Variants in ZNF665 observed in about 807,000 individuals in gnomAD.
ZNF665 encodes zinc finger protein 665.
Under a neutral mutation model 7.9 loss-of-function variants are expected in ZNF665, and 6 were observed. The ratio of observed to expected loss-of-function variants is 0.76; its 90% CI spans 0.42 to 1.50. The LOEUF is 1.50. Among genes scored for constraint, ZNF665 ranks in the 40% most tolerant of loss-of-function variants. The probability of loss-of-function intolerance (pLI) is 0.01; values close to 1 mark genes in which losing one functional copy is unlikely to be tolerated. For missense variants in ZNF665, 819 were observed against 806.7 expected (o/e 1.02, Z -0.18); for synonymous variants, 242 against 274.5 (o/e 0.88, Z 1.17).
rs867020548 is a variant in ZNF665, at chr19:53,167,546, C to A, written c.143-1199G>T. ...ACTGCAAGCTCCGCCTCCCGGGTTC[C>A]CGCCATTCTCCTGCCTCAGCCTCCC... On this transcript the variant is annotated intron_variant, in intron 3 of 3. Transcript: ENST00000396424. Among the ~76,000 whole-genome samples the A allele has an allele frequency of 1.6e-4, 24 of 149,672 alleles. No individual in the cohort carries two copies. In the South Asian group the frequency reaches 3.2e-3, roughly 20 times the overall value.
chr19:53,171,277 C>T (rs2090654888), intron 3 of ZNF665, among the ~76,000 whole-genome samples: 1 of 151,824 alleles, frequency 6.6e-6, no homozygotes. Flanking sequence ...TGAGCCACCG[C>T]ATGCGGCAAG....
rs537941553 is a variant in ZNF665 at position 53,176,810 on chromosome 19, C to T, written c.16-1239G>A. The stretch of plus-strand genomic sequence containing the variant: ...GGGAGAACGGAAGCATTCTGTGTTG[C>T]AAGAGTACAGTAGAAGAAACTGAAT... On this transcript the variant is annotated intron_variant, in intron 2 of 3. Transcript: ENST00000396424. 5.8e-4 allele frequency among the ~76,000 whole-genome samples: 89 copies of T among 152,310 alleles called. 1 individual carries two copies. The highest frequency in any genetic ancestry group is 3.4e-3 in the Middle Eastern group (1 of 294).
chr19:53,182,982 A>T lies in ZNF665; in HGVS notation c.-45-39T>A. 3.8e-6 allele frequency: 6 copies of T among 1,570,172 alleles called. No homozygotes were observed. In the South Asian group the frequency reaches 5.5e-5, roughly 14 times the overall value. ...AAAGAGACTTTAGAATTCAATCCTG[A>T]ATGTCAAAAATACGCTGTTTGTTGG... On this transcript the variant is annotated intron_variant, in intron 1 of 3. Transcript: ENST00000396424.
chr19:53,168,331 T>C (rs139067022), intron 3 of ZNF665, among the ~76,000 whole-genome samples: 10 of 152,206 alleles, frequency 6.6e-5, no homozygotes, highest in African/African-American at 2.2e-4. Context: ...ATCAGAAAGT[T>C]TTCTAAAATG....
At chr19:53,167,925 G>A (rs1383180573) in intron 3 of ZNF665, among the ~76,000 whole-genome samples, 53 of 148,038 alleles carry the variant, frequency 3.6e-4, no homozygotes, top group Non-Finnish European at 5.4e-4. Context: ...GCGTTGTGGC[G>A]GGCGCCTGCA....
Position 53,166,053 on chromosome 19 carries a change from T to C in ZNF665, c.437A>G (p.Gln146Arg), listed in dbSNP as rs765463718. Residue 146 changes from glutamine to arginine, a missense_variant, in exon 4 of 4, where the codon CAG becomes CGG. By Grantham distance (43) the Gln-to-Arg change is conservative. Coordinates refer to ENST00000396424, the MANE Select transcript of ZNF665 (RefSeq NM_024733.5). ...HIENQLGVSF[Q>R]SHLPELQQFQ... ...TTGCTGCAGTTCAGGGAGATGTGACTGAAAGCTTACTCCAAGCTGATTTTC... is the reference window on the plus strand; with the variant it reads ...TTGCTGCAGTTCAGGGAGATGTGACCGAAAGCTTACTCCAAGCTGATTTTC... 2.5e-6 allele frequency: 4 copies of C among 1,614,136 alleles called. No individual in the cohort carries two copies. The South Asian group carries it at 3.3e-5, about 13-fold the overall frequency.
At chr19:53,182,533 C>A (rs747408337) in intron 2 of ZNF665, 34 of 654,088 alleles carry the variant, frequency 5.2e-5, no homozygotes, top group Non-Finnish European at 9.1e-5. Flanking sequence ...ACTTCATAAC[C>A]AGCTTCTCTT....
In ZNF665 at chr19:53,164,544, G is replaced by A; in HGVS notation, c.1946C>T (p.Thr649Ile). Residue 649 changes from threonine to isoleucine, a missense_variant, in exon 4 of 4, where the codon ACT (threonine) becomes ATT (isoleucine). Coordinates refer to ENST00000396424, the MANE Select transcript of ZNF665 (RefSeq NM_024733.5). ...STLTTHMAVH[T>I]GDKPYKCNQC... Reference sequence around the variant, plus strand: ...GTTACATTTGTAAGGTTTGTCTCCAGTATGGACTGCCATATGGGTAGTTAG... The same window carrying A: ...GTTACATTTGTAAGGTTTGTCTCCAATATGGACTGCCATATGGGTAGTTAG... 1.2e-6 allele frequency: 2 copies of A among 1,614,096 alleles called. No homozygotes were observed. Among genetic ancestry groups the A allele is most frequent in the Non-Finnish European group, 8.5e-7 (1 of 1,179,938 alleles).
At chr19:53,183,277 G>A (rs1171294254) in intron 1 of ZNF665, among the ~76,000 whole-genome samples, 1 of 152,132 alleles carries the variant, frequency 6.6e-6, no homozygotes, top group African/African-American at 2.4e-5. Context: ...ACCCCATGCT[G>A]AGCACAGTCC....
In ZNF665 at chr19:53,165,406, C is replaced by A. The variant is rs779477069; in HGVS notation, c.1084G>T (p.Ala362Ser). ...CCAGTATGAATTCGCCGATGCTTTG[C>A]AAGGTATGAATTGTGCCTGAAGACC... ...GKVFRHNSYLAKHRRIHTGEK... is the reference protein window; with the variant it reads ...GKVFRHNSYLSKHRRIHTGEK... Residue 362 changes from alanine (A) to serine (S), a missense_variant, in exon 4 of 4, where the codon GCA (alanine) becomes TCA (serine). Physicochemically the swap from Ala to Ser is moderately conservative, Grantham distance 99 (BLOSUM62 1). Transcript: ENST00000396424. 3 of 1,614,134 alleles carry A rather than the reference C, an allele frequency of 1.9e-6. No individual in the cohort carries two copies. Among genetic ancestry groups the A allele is most frequent in the Non-Finnish European group, 8.5e-7 (1 of 1,180,026 alleles).
chr19:53,172,599 TG>T (rs1231310176), intron 3 of ZNF665, among the ~76,000 whole-genome samples: 1 of 152,120 alleles, frequency 6.6e-6, no homozygotes, highest in East Asian at 1.9e-4. Context: ...CCAAGGTGGA[TG>T]GATCATGTGA....
intron 1 of ZNF665, among the ~76,000 whole-genome samples, chr19:53,191,111 G>C (rs2090813711): frequency 6.6e-6 from 1 of 151,616 alleles, no homozygotes; most frequent in Admixed American, 6.6e-5. Flanking sequence ...TCTGAAGAGG[G>C]AACCCTCAAC....
chr19:53,173,007 A>ATGTTAATTG (rs1278449862), intron 3 of ZNF665, among the ~76,000 whole-genome samples: 2 of 152,118 alleles, frequency 1.3e-5, no homozygotes, highest in African/African-American at 4.8e-5. Context: ...TCTCTTCATT[A>ATGTTAATTG]TGTTAATTGT....
Position 53,164,983 on chromosome 19 carries a change from T to C in ZNF665, c.1507A>G (p.Arg503Gly). Residue 503 changes from arginine (R) to glycine (G), a missense_variant, in exon 4 of 4, where the codon AGG (arginine) becomes GGG (glycine). By Grantham distance (125) the Arg-to-Gly change is moderately radical. Transcript: ENST00000396424. ...KAFSQTSQLA[R>G]HWRVHTGEKP... ...TCTCCAGTATGAACTCTCCAATGCCTTGCAAGTTGTGATGTTTGACTGAAG... is the reference window on the plus strand; with the variant it reads ...TCTCCAGTATGAACTCTCCAATGCCCTGCAAGTTGTGATGTTTGACTGAAG... 2 of 1,614,008 alleles carry C rather than the reference T, an allele frequency of 1.2e-6. No homozygotes were observed. The highest frequency in any genetic ancestry group is 1.7e-6 in the Non-Finnish European group (2 of 1,179,926).
rs1382965086 is a variant in ZNF665 at position 53,166,129 on chromosome 19, G to GTGATA, written c.360_361insTATCA (p.Pro121TyrfsTer25). On this transcript the variant is annotated frameshift_variant, in exon 4 of 4. Coordinates refer to ENST00000396424, the MANE Select transcript of ZNF665 (RefSeq NM_024733.5). LOFTEE classifies it low-confidence loss of function (END_TRUNC). ...CTATCACGTTGAGCTCTTCTACCAG[G>GTGATA]GAGATTTTCTTTTTGCAACATAAGT... The GTGATA allele has an allele frequency of 1.2e-6, 2 of 1,613,632 alleles. No individual in the cohort carries two copies. The highest frequency in any genetic ancestry group is 1.7e-6 in the Non-Finnish European group (2 of 1,179,812).
chr19:53,182,989 A>G (rs1275916168), intron 1 of ZNF665, 46 bp from the exon 2 acceptor site: 4 of 1,560,574 alleles, frequency 2.6e-6, no homozygotes, highest in Non-Finnish European at 3.5e-6. Flanking sequence ...CTGAATGTCA[A>G]AAATACGCTG....
rs896049154 is a variant in ZNF665, at chr19:53,166,023, T to A, written c.467A>T (p.Gln156Leu). 6.2e-7 allele frequency: 1 copy of A among 1,614,020 alleles called. No homozygotes were observed. Residue 156 changes from glutamine (Q) to leucine (L), a missense_variant, in exon 4 of 4, where the codon CAA becomes CTA. Transcript: ENST00000396424. Reference sequence around the variant, plus strand: ...GTATTCATAAATTTTCCCTTCATGTTGAAATTGCTGCAGTTCAGGGAGATG... The same window carrying A: ...GTATTCATAAATTTTCCCTTCATGTAGAAATTGCTGCAGTTCAGGGAGATG... ...QSHLPELQQF[Q>L]HEGKIYEYNQ...
chr19:53,165,229 G>C lies in ZNF665; in HGVS notation c.1261C>G (p.Arg421Gly), dbSNP rs1184573407. 2 of 1,613,946 alleles carry C rather than the reference G, an allele frequency of 1.2e-6. No individual in the cohort carries two copies. Among genetic ancestry groups the C allele is most frequent in the Middle Eastern group, 1.6e-4 (1 of 6,062 alleles). Reference protein sequence around the residue: ...FTQYSHLANHRRIHTGEKPYR... With the variant: ...FTQYSHLANHGRIHTGEKPYR... Reference sequence around the variant, plus strand: ...GGTTTCTCTCCAGTATGAATTCTTCGATGATTTGCTAAGTGTGAATACTGA... The same window carrying C: ...GGTTTCTCTCCAGTATGAATTCTTCCATGATTTGCTAAGTGTGAATACTGA... Residue 421 changes from arginine to glycine, a missense_variant, in exon 4 of 4, where the codon CGA becomes GGA. By Grantham distance (125) the Arg-to-Gly change is moderately radical (BLOSUM62 -2). Transcript: ENST00000396424.
chr19:53,166,072 G>T lies in ZNF665; in HGVS notation c.418C>A (p.Gln140Lys). 2 of 1,614,134 alleles carry T rather than the reference G, an allele frequency of 1.2e-6. No homozygotes were observed. Among genetic ancestry groups the T allele is most frequent in the Non-Finnish European group, 1.7e-6 (2 of 1,179,978 alleles). ...TGTGACTGAAAGCTTACTCCAAGCT[G>T]ATTTTCAATATGCCTGTTTCCTGCA... Reference protein sequence around the residue: ...RAAGNRHIENQLGVSFQSHLP... With the variant: ...RAAGNRHIENKLGVSFQSHLP... Residue 140 changes from glutamine (Q) to lysine (K), a missense_variant, in exon 4 of 4, where the codon CAG becomes AAG. By Grantham distance (53) the Gln-to-Lys change is moderately conservative. Coordinates refer to ENST00000396424, the MANE Select transcript of ZNF665 (RefSeq NM_024733.5).
Sources: allele counts gnomAD v4.1 joint callset (sites outside exome capture counted in the v4.1 genomes callset), GRCh38; gene constraint gnomAD v4.1.1; transcripts MANE v1.5; gene names NCBI Gene and HGNC (gene_info 2026-07-23, HGNC 2026-07-21).